The following PRKCH variants were observed in gnomAD, a reference collection of about 807,000 sequenced individuals.
PRKCH encodes the protein protein kinase C eta type.
In PRKCH, 28 loss-of-function variants were observed where a neutral mutation model predicts 82.5. The observed-to-expected ratio is 0.34, with a 90% CI of 0.25 to 0.47. The LOEUF is 0.47. Ranked by LOEUF, PRKCH falls within the 20% of genes least tolerant of loss-of-function variation. The pLI, the probability that PRKCH is intolerant of heterozygous loss-of-function variation, is 1.00. For synonymous variants in PRKCH, 322 were observed against 327.4 expected (o/e 0.98, Z 0.18); for missense variants, 705 against 881.8 (o/e 0.80, Z 2.54).
intron 1 of PRKCH, chr14:61,307,024 G>C (rs1032589843): frequency 4.6e-5 from 7 of 152,110 alleles, no homozygotes; most frequent in African/African-American, 1.4e-4. Context: ...TTTTTAAAGT[G>C]AGATAAAATA....
chr14:61,466,943 T>C (rs1385444175), intron 9 of PRKCH, among the ~76,000 whole-genome samples: 1 of 152,210 alleles, frequency 6.6e-6, no homozygotes, highest in African/African-American at 2.4e-5. Context: ...TATCTTGGAA[T>C]CTTGTGAAAT....
At position 61,344,794 on chromosome 14, in the gene PRKCH, C is replaced by G. The variant is rs1037163926; in HGVS notation, c.363+22330C>G. On this transcript the variant is annotated intron_variant, in intron 1 of 13. Transcript: ENST00000332981. ...AGTTCCTCCCGCCTGCCTATGTGAC[C>G]TGTTTTCACCAGATCCAGATTGCTA... 9.9e-5 allele frequency among the ~76,000 whole-genome samples: 15 copies of G among 152,084 alleles called. 1 individual carries two copies. Among genetic ancestry groups the G allele is most frequent in the Admixed American group, 9.2e-4 (14 of 15,276 alleles).
Position 61,550,146 on chromosome 14 carries a change from G to T in PRKCH, c.*315G>T. 1 of 230,514 alleles carries T rather than the reference G, an allele frequency of 4.3e-6. No individual in the cohort carries two copies. The highest frequency in any genetic ancestry group is 5.1e-5 in the Admixed American group (1 of 19,754). The allele number at this position is 230,514 out of a possible 1,614,324, so 14.3% of individuals were successfully genotyped here. A position where few individuals can be genotyped will look rare whatever the true frequency, so the allele number is the denominator to read the frequency against. On this transcript the variant is annotated 3_prime_UTR_variant, in exon 14 of 14. Transcript: ENST00000332981. ...GAGGGAAAGTGTGAAGAATAAAGTA[G>T]ATCTGAGAAATTCTGAGCCAATCAG... is the stretch of plus-strand genomic sequence containing the variant.
intron 1 of PRKCH, among the ~76,000 whole-genome samples, chr14:61,388,580 G>A (rs562836536): frequency 3.9e-5 from 6 of 152,316 alleles, no homozygotes; most frequent in African/African-American, 1.2e-4. Context: ...TTGTGAGGTC[G>A]AATGTATGTG....
chr14:61,497,894 AC>A (rs1886738949), intron 10 of PRKCH, among the ~76,000 whole-genome samples: 1 of 152,212 alleles, frequency 6.6e-6, no homozygotes, highest in African/African-American at 2.4e-5. Flanking sequence ...GAGGATAAAC[AC>A]CAGCACATCA....
intron 1 of PRKCH, among the ~76,000 whole-genome samples, chr14:61,367,455 T>C (rs2140168615): frequency 6.6e-6 from 1 of 151,878 alleles, no homozygotes; most frequent in Admixed American, 6.6e-5. Flanking sequence ...GAGGTTACAG[T>C]GCAAGAGCTG....
At chr14:61,516,913 G>A (rs2042837044) in intron 10 of PRKCH, among the ~76,000 whole-genome samples, 1 of 152,122 alleles carries the variant, frequency 6.6e-6, no homozygotes, top group South Asian at 2.1e-4. Context: ...TAATCTAAAA[G>A]TAAAATGTGA....
intron 2 of PRKCH, among the ~76,000 whole-genome samples, chr14:61,432,173 T>G (rs1355616700): frequency 6.6e-6 from 1 of 152,164 alleles, no homozygotes; most frequent in African/African-American, 2.4e-5. Flanking sequence ...TCTAAGGATG[T>G]TAGAATGTTT....
chr14:61,325,188 G>A (rs1053202069), intron 1 of PRKCH, among the ~76,000 whole-genome samples: 2 of 152,176 alleles, frequency 1.3e-5, no homozygotes, highest in Non-Finnish European at 2.9e-5. Flanking sequence ...GAACAAGTTG[G>A]GGGACTTAGA....
chr14:61,494,202 T>A (rs1043645638), intron 10 of PRKCH, among the ~76,000 whole-genome samples: 2 of 152,142 alleles, frequency 1.3e-5, no homozygotes, highest in Non-Finnish European at 2.9e-5. Context: ...CGAGACTGAA[T>A]GAGATCACCC....
chr14:61,418,346 C>T (rs1456284157), intron 2 of PRKCH, among the ~76,000 whole-genome samples: 1 of 152,196 alleles, frequency 6.6e-6, no homozygotes, highest in East Asian at 1.9e-4. Flanking sequence ...TTTCAATAAA[C>T]TCACTGTCTG....
chr14:61,417,862 G>A (rs1265213947), intron 2 of PRKCH, among the ~76,000 whole-genome samples: 1 of 152,204 alleles, frequency 6.6e-6, no homozygotes, highest in Non-Finnish European at 1.5e-5. Flanking sequence ...CAGTACATTT[G>A]TGTATGAGGG....
chr14:61,515,458 ACCAGCTTTTT>A (rs1175462303), intron 10 of PRKCH, among the ~76,000 whole-genome samples: 2 of 152,164 alleles, frequency 1.3e-5, no homozygotes, highest in Admixed American at 6.5e-5. Context: ...CTCAACTTAA[ACCAGCTTTTT>A]GTCATTGTAC....
At chr14:61,348,904 G>C (rs2046033462) in intron 1 of PRKCH, among the ~76,000 whole-genome samples, 1 of 152,260 alleles carries the variant, frequency 6.6e-6, no homozygotes. Context: ...TTCCAGCACA[G>C]CACTTGGCAC....
chr14:61,355,413 T>C (rs574026538), intron 1 of PRKCH, among the ~76,000 whole-genome samples: 2 of 152,288 alleles, frequency 1.3e-5, no homozygotes, highest in South Asian at 4.2e-4. Flanking sequence ...TATTCTGCTG[T>C]TTATGACCTT....
intron 1 of PRKCH, among the ~76,000 whole-genome samples, chr14:61,246,489 T>C (rs2030398052): frequency 2.0e-5 from 3 of 152,202 alleles, no homozygotes. Flanking sequence ...CTTGAACTTT[T>C]GACAGAGTCT....
At chr14:61,342,617 T>TCC (rs2045942891) in intron 1 of PRKCH, among the ~76,000 whole-genome samples, 1 of 152,208 alleles carries the variant, frequency 6.6e-6, no homozygotes, top group Admixed American at 6.5e-5. Flanking sequence ...GCACTGTAAG[T>TCC]GTTTCCACAG....
intron 1 of PRKCH, among the ~76,000 whole-genome samples, chr14:61,267,922 T>A (rs7141238): frequency 2.6e-5 from 4 of 152,236 alleles, no homozygotes; most frequent in Admixed American, 6.5e-5. Flanking sequence ...AAAAGGGTGC[T>A]TTTATATTTG....
At chr14:61,393,454 A>G (rs2140205650) in intron 2 of PRKCH, among the ~76,000 whole-genome samples, 1 of 152,338 alleles carries the variant, frequency 6.6e-6, no homozygotes, top group South Asian at 2.1e-4. Flanking sequence ...CTCGTAAGGC[A>G]TAGCCAGTGT....
Sources: allele counts gnomAD v4.1 joint callset (sites outside exome capture counted in the v4.1 genomes callset), GRCh38; gene constraint gnomAD v4.1.1; transcripts MANE v1.5; gene names NCBI Gene and HGNC (gene_info 2026-07-23, HGNC 2026-07-21).